Variants in ABCA6 observed in about 807,000 individuals in gnomAD.
ABCA6 encodes ATP-binding cassette sub-family A member 6.
ABCA6 carries 164 observed loss-of-function variants against 191.2 expected under a neutral mutation model. That is an observed-to-expected ratio of 0.86 (90% CI 0.76 to 0.98). The LOEUF (loss-of-function observed/expected upper bound fraction) is 0.98, where lower values mean the gene tolerates loss of function less well. ABCA6 is among the 50% of genes least tolerant of loss of function. The pLI is 0.00. For synonymous variants in ABCA6, 636 were observed against 647.7 expected (o/e 0.98, Z 0.27); for missense variants, 1,958 against 1,894.1 (o/e 1.03, Z -0.63).
intron 9 of ABCA6, among the ~76,000 whole-genome samples, chr17:69,124,150 A>AT (rs1212132900): frequency 1.3e-5 from 2 of 152,002 alleles, no homozygotes; most frequent in African/African-American, 4.8e-5. Context: ...TGATATTTTA[A>AT]ATATATTTTT....
Position 69,086,731 on chromosome 17 carries a change from G to C in ABCA6, c.3824C>G (p.Pro1275Arg), listed in dbSNP as rs2072803190. Residue 1275 changes from proline (P) to arginine (R), a missense_variant, in exon 30 of 39, where the codon CCT becomes CGT. Coordinates refer to ENST00000284425, the MANE Select transcript of ABCA6 (RefSeq NM_080284.3). ...GTGTAGACAGCTGGCAATTATAACA[G>C]GTTTCTAGAAGAGATGACAGCATGA... ...ALTTSILDEK[P>R]VIIASCLHKE... 1 of 1,607,666 alleles carries C rather than the reference G, an allele frequency of 6.2e-7. No homozygotes were observed. The highest frequency in any genetic ancestry group is 1.3e-5 in the African/African-American group (1 of 74,620).
At position 69,107,703 on chromosome 17, in the gene ABCA6, G is replaced by C; in HGVS notation, c.2382C>G (p.Ile794Met). ...VFMKLEGQST[I>M]EQDFEQVEMI... ...TTATACAAATGGCTTTACCTTGTTCGATAGTTGACTGTCCTTCCAGTTTCA... is the reference window on the plus strand; with the variant it reads ...TTATACAAATGGCTTTACCTTGTTCCATAGTTGACTGTCCTTCCAGTTTCA... Residue 794 changes from isoleucine to methionine, a missense_variant, in exon 18 of 39, where the codon ATC (isoleucine) becomes ATG (methionine). Transcript: ENST00000284425. 1 of 1,596,576 alleles carries C rather than the reference G, an allele frequency of 6.3e-7. No individual in the cohort carries two copies. Among genetic ancestry groups the C allele is most frequent in the Non-Finnish European group, 8.6e-7 (1 of 1,167,700 alleles).
At chr17:69,106,880 A>G (rs2073318651) in intron 18 of ABCA6, among the ~76,000 whole-genome samples, 1 of 152,206 alleles carries the variant, frequency 6.6e-6, no homozygotes, top group Non-Finnish European at 1.5e-5. Flanking sequence ...TCATACCAAA[A>G]GAATAATTCA....
At chr17:69,137,131 AGTT>A (rs1301108808) in intron 3 of ABCA6, among the ~76,000 whole-genome samples, 162 bp downstream of exon 3, 4 of 152,222 alleles carry the variant, frequency 2.6e-5, no homozygotes, top group Non-Finnish European at 5.9e-5. Flanking sequence ...TTCAAAGGCT[AGTT>A]GTTGTGAGAG....
chr17:69,130,932 C>T (rs1234255385), intron 6 of ABCA6, among the ~76,000 whole-genome samples: 1 of 152,182 alleles, frequency 6.6e-6, no homozygotes, highest in African/African-American at 2.4e-5. Context: ...AAGTATGCTG[C>T]ACCCTTAAAT....
chr17:69,124,148 T>A (rs1429680161), intron 9 of ABCA6, among the ~76,000 whole-genome samples: 1 of 151,992 alleles, frequency 6.6e-6, no homozygotes, highest in Non-Finnish European at 1.5e-5. Flanking sequence ...AGTGATATTT[T>A]AAATATATTT....
At chr17:69,092,231 GATT>G (rs1385075739) in intron 25 of ABCA6, among the ~76,000 whole-genome samples, 1 of 152,094 alleles carries the variant, frequency 6.6e-6, no homozygotes, top group African/African-American at 2.4e-5. Context: ...TTAATGTACT[GATT>G]ATAATAAAAA....
At chr17:69,087,261 A>G (rs920345105) in intron 29 of ABCA6, 92 bp downstream of exon 29, 5 of 1,520,644 alleles carry the variant, frequency 3.3e-6, no homozygotes, top group African/African-American at 2.8e-5. Context: ...CCAAACTCCA[A>G]ACTCTCAAAA....
Position 69,086,700 on chromosome 17 carries a change from T to C in ABCA6, c.3855A>G (p.Glu1285=), listed in dbSNP as rs777928431. 1.9e-6 allele frequency: 3 copies of C among 1,612,732 alleles called. No homozygotes were observed. The highest frequency in any genetic ancestry group is 4.5e-5 in the East Asian group (2 of 44,672). Residue 1285 remains glutamate, a synonymous_variant, in exon 30 of 39, where the codon GAA becomes GAG. Transcript: ENST00000284425. ...PVIIASCLHK[E]YAGQKKSCFS... ...AGCAACTTTTCTTCTGGCCTGCATA[T>C]TCTTTGTGTAGACAGCTGGCAATTA...
chr17:69,089,360 A>T (rs2072875753), intron 27 of ABCA6, 105 bp downstream of exon 27: 2 of 1,053,848 alleles, frequency 1.9e-6, no homozygotes, highest in East Asian at 4.8e-5. Context: ...ATCTAAGATC[A>T]TATAAAAACA....
chr17:69,137,541 C>A, intron 2 of ABCA6, 41 bp from the exon 3 acceptor site: 1 of 1,568,104 alleles, frequency 6.4e-7, no homozygotes, highest in Non-Finnish European at 8.7e-7. Flanking sequence ...ATTAAGGTTG[C>A]ATTCACTTAA....
At chr17:69,103,113 T>C in intron 20 of ABCA6, 145 bp from the exon 21 acceptor site, 1 of 532,046 alleles carries the variant, frequency 1.9e-6, no homozygotes. Context: ...AATAATAATA[T>C]TGACCCACAC....
chr17:69,129,153 CT>C (rs1423279027), intron 7 of ABCA6, among the ~76,000 whole-genome samples: 1 of 151,954 alleles, frequency 6.6e-6, no homozygotes, highest in African/African-American at 2.4e-5. Flanking sequence ...AGAAAACAAC[CT>C]GGAAGATGGA....
At chr17:69,117,482 AT>A (rs1209762736) in intron 11 of ABCA6, among the ~76,000 whole-genome samples, 1 of 152,044 alleles carries the variant, frequency 6.6e-6, no homozygotes, top group Non-Finnish European at 1.5e-5. Flanking sequence ...GACTTGTGAA[AT>A]TTAATTCATA....
intron 1 of ABCA6, among the ~76,000 whole-genome samples, chr17:69,141,423 T>G (rs893309433): frequency 6.6e-6 from 1 of 152,030 alleles, no homozygotes; most frequent in African/African-American, 2.4e-5. Context: ...CACGGGAAAG[T>G]AATTTTGCCC....
At position 69,087,338 on chromosome 17, in the gene ABCA6, C is replaced by G. The variant is rs760102216; in HGVS notation, c.3819+15G>C. ...ATATCTCCATTAATATCCATTTTGC[C>G]CCTTGCTTTTTTACCTCATCTAAGA... On this transcript the variant is annotated intron_variant, in intron 29 of 38. Transcript: ENST00000284425. 1.2e-6 allele frequency: 2 copies of G among 1,610,714 alleles called. No homozygotes were observed. The highest frequency in any genetic ancestry group is 2.2e-5 in the South Asian group (2 of 90,112).
At position 69,128,716 on chromosome 17, in the gene ABCA6, C is replaced by T. The variant is rs949014311; in HGVS notation, c.1022G>A (p.Cys341Tyr). 8.7e-6 allele frequency: 14 copies of T among 1,612,932 alleles called. No individual in the cohort carries two copies. Among genetic ancestry groups the T allele is most frequent in the African/African-American group, 5.3e-5 (4 of 74,834 alleles). Residue 341 changes from cysteine (C) to tyrosine (Y), a missense_variant, in exon 8 of 39, where the codon TGT (cysteine) becomes TAT (tyrosine). Physicochemically the swap from Cys to Tyr is radical, Grantham distance 194. Coordinates refer to ENST00000284425, the MANE Select transcript of ABCA6 (RefSeq NM_080284.3). The stretch of plus-strand genomic sequence containing the variant: ...TTCATAAAATACAGTGAATCCCAGA[C>T]ATCCCCAAAAGAGGGTAAGGAGAAA... ...VVFLLTLFWG[C>Y]LGFTVFYEQL...
rs1293587019 is a variant in ABCA6 at position 69,136,241 on chromosome 17, A to G, written c.311T>C (p.Val104Ala). 6.5e-7 allele frequency: 1 copy of G among 1,549,568 alleles called. No homozygotes were observed. The highest frequency in any genetic ancestry group is 8.7e-7 in the Non-Finnish European group (1 of 1,149,532). ...ALAPLLKGTSVIGAPNKTHMD... is the reference protein window; with the variant it reads ...ALAPLLKGTSAIGAPNKTHMD... ...GTGTGTTTTATTTGGTGCCCCAATG[A>G]CACTTGTTCCTGTGAATTACAAGGT... The change falls in exon 4 of 39, where the codon GTC (valine) becomes GCC (alanine). Residue 104 changes from valine (V) to alanine (A), a missense_variant. Val to Ala is a moderately conservative substitution (Grantham distance 64, BLOSUM62 0). Coordinates refer to ENST00000284425, the MANE Select transcript of ABCA6 (RefSeq NM_080284.3).
At chr17:69,111,083 G>T in intron 16 of ABCA6, 143 bp from the exon 17 acceptor site, 1 of 690,476 alleles carries the variant, frequency 1.4e-6, no homozygotes, top group Non-Finnish European at 2.2e-6. Context: ...TAACATGATA[G>T]TAATCTATCA....
Sources: allele counts gnomAD v4.1 joint callset (sites outside exome capture counted in the v4.1 genomes callset), GRCh38; gene constraint gnomAD v4.1.1; transcripts MANE v1.5; gene names NCBI Gene and HGNC (gene_info 2026-07-23, HGNC 2026-07-21).